Variants in SLC12A1 observed in about 807,000 individuals in gnomAD.
SLC12A1 encodes Na-K-2Cl cotransporter.
SLC12A1 carries 89 observed loss-of-function variants against 130.4 expected under a neutral mutation model. The observed-to-expected ratio is 0.68, with a 90% CI of 0.58 to 0.81. The LOEUF is 0.81. Ranked by LOEUF, SLC12A1 falls within the 40% of genes least tolerant of loss-of-function variation. SLC12A1 has a pLI of 0.00. For missense variants in SLC12A1, 1,310 were observed against 1,336.4 expected (o/e 0.98, Z 0.31); for synonymous variants, 499 against 460.0 (o/e 1.08, Z -1.09).
At chr15:48,209,455 T>A (rs553571705) in intron 2 of SLC12A1, among the ~76,000 whole-genome samples, 4 of 152,322 alleles carry the variant, frequency 2.6e-5, no homozygotes, top group African/African-American at 4.8e-5. Context: ...TCCAGACCAG[T>A]TTGGAATAAA....
chr15:48,272,694 T>A (rs1353751914), intron 19 of SLC12A1, among the ~76,000 whole-genome samples: 1 of 152,236 alleles, frequency 6.6e-6, no homozygotes, highest in African/African-American at 2.4e-5. Context: ...CCCAGAGTGT[T>A]TGGATTACAG....
intron 2 of SLC12A1, among the ~76,000 whole-genome samples, chr15:48,209,164 C>A (rs527469644): frequency 1.3e-5 from 2 of 152,164 alleles, no homozygotes; most frequent in African/African-American, 4.8e-5. Flanking sequence ...TGGGTTCAAG[C>A]GATTCTTCTG....
chr15:48,247,825 C>A lies in SLC12A1; in HGVS notation c.1684+365C>A, dbSNP rs191970530. On this transcript the variant is annotated intron_variant, in intron 13 of 26. Coordinates refer to ENST00000380993, the MANE Select transcript of SLC12A1 (RefSeq NM_000338.3). ...CTGTTAGTGTTTCTGGAAATGTGGT[C>A]CACTGACCATCTATATCGCAATCAC... 3.8e-3 allele frequency among the ~76,000 whole-genome samples: 572 copies of A among 152,280 alleles called. 8 individuals are homozygous for A. In the Middle Eastern group the frequency reaches 0.044, roughly 12 times the overall value.
intron 15 of SLC12A1, among the ~76,000 whole-genome samples, chr15:48,252,810 G>A (rs780195609): frequency 2.0e-5 from 3 of 152,138 alleles, no homozygotes; most frequent in Non-Finnish European, 2.9e-5. Flanking sequence ...ATGCAAGTGC[G>A]GGGCAGCATA....
intron 9 of SLC12A1, among the ~76,000 whole-genome samples, chr15:48,240,072 CATATATATAT>C (rs1431987341): frequency 1.9e-5 from 1 of 52,090 alleles, no homozygotes; most frequent in African/African-American, 8.0e-5. Flanking sequence ...TATATATATC[CATATATATAT>C]ATATATATCC....
intron 4 of SLC12A1, chr15:48,225,073 A>G (rs2041266609): frequency 6.6e-6 from 1 of 152,236 alleles, no homozygotes; most frequent in Non-Finnish European, 1.5e-5. Flanking sequence ...TCAAAAAGCA[A>G]TATCATTGAG....
intron 25 of SLC12A1, among the ~76,000 whole-genome samples, chr15:48,299,642 A>G (rs2042211932): frequency 2.0e-5 from 3 of 152,222 alleles, no homozygotes; most frequent in Non-Finnish European, 4.4e-5. Flanking sequence ...TTAACACAAT[A>G]AGAAATACTT....
At position 48,298,863 on chromosome 15, in the gene SLC12A1, A is replaced by C. The variant is rs140238158; in HGVS notation, c.2961-277A>C. Among the ~76,000 whole-genome samples, 39 of 152,344 alleles carry C rather than the reference A, an allele frequency of 2.6e-4. No individual in the cohort carries two copies. The East Asian group carries it at 3.9e-3, about 15-fold the overall frequency. ...ACTACCTATGTGTATATGTGTTAAT[A>C]TTGTAAGTATGTATGCGTATGTGTG... On this transcript the variant is annotated intron_variant, in intron 24 of 26. Transcript: ENST00000380993.
chr15:48,285,193 G>A lies in SLC12A1; in HGVS notation c.2573G>A (p.Arg858Gln), dbSNP rs140747686. The change falls in exon 21 of 27, where the codon CGA (arginine) becomes CAA (glutamine). Residue 858 changes from arginine to glutamine, a missense_variant. Coordinates refer to ENST00000380993, the MANE Select transcript of SLC12A1 (RefSeq NM_000338.3). ...TGTGAAGAGGAAAGTGGAGGCATCCGAGGCTTGTTTAAAAAAGCTGGCAAG... is the reference window on the plus strand; with the variant it reads ...TGTGAAGAGGAAAGTGGAGGCATCCAAGGCTTGTTTAAAAAAGCTGGCAAG... ...NECEEESGGI[R>Q]GLFKKAGKLN... 3.8e-5 allele frequency: 62 copies of A among 1,613,724 alleles called. No individual in the cohort carries two copies. The highest frequency in any genetic ancestry group is 5.1e-5 in the Non-Finnish European group (60 of 1,179,800).
At chr15:48,289,441 T>TATATA (rs2042096955) in intron 23 of SLC12A1, among the ~76,000 whole-genome samples, 1 of 132,184 alleles carries the variant, frequency 7.6e-6, no homozygotes, top group African/African-American at 2.9e-5. Flanking sequence ...TGTATAACTA[T>TATATA]GTATAACTGT....
intron 20 of SLC12A1, among the ~76,000 whole-genome samples, chr15:48,276,234 G>C (rs1458677251): frequency 2.6e-5 from 4 of 152,116 alleles, no homozygotes; most frequent in Non-Finnish European, 5.9e-5. Context: ...AATCTCCTCT[G>C]GGAAATCCTA....
rs552237136 is a variant in SLC12A1 at position 48,282,360 on chromosome 15, C to T, written c.2486-2746C>T. ...CATACCTTCAAGCAATTGTTGGAAT[C>T]GCTCCCAGTTCACTCAGCCCGCTGA... On this transcript the variant is annotated intron_variant, in intron 20 of 26. Transcript: ENST00000380993. Among the ~76,000 whole-genome samples, 7 of 152,258 alleles carry T rather than the reference C, an allele frequency of 4.6e-5. No homozygotes were observed. The East Asian group carries it at 1.4e-3, about 29-fold the overall frequency.
intron 2 of SLC12A1, among the ~76,000 whole-genome samples, chr15:48,219,912 G>T (rs1298139233): frequency 1.3e-5 from 2 of 151,642 alleles, no homozygotes; most frequent in African/African-American, 4.8e-5. Flanking sequence ...AAATTAGCTG[G>T]GTGTGGTGGT....
At chr15:48,287,945 G>C (rs2042076610) in intron 21 of SLC12A1, 98 bp from the exon 22 acceptor site, 3 of 1,318,800 alleles carry the variant, frequency 2.3e-6, no homozygotes, top group Non-Finnish European at 3.1e-6. Flanking sequence ...ACATGAATCT[G>C]TGACCTTTTC....
intron 25 of SLC12A1, among the ~76,000 whole-genome samples, chr15:48,299,748 C>T (rs964909985): frequency 6.6e-6 from 1 of 152,302 alleles, no homozygotes. Flanking sequence ...CTGGATCCAG[C>T]ACACATTGTA....
At chr15:48,269,787 T>A in intron 19 of SLC12A1, 23 bp downstream of exon 19, 1 of 1,328,682 alleles carries the variant, frequency 7.5e-7, no homozygotes, top group Admixed American at 1.7e-5. Context: ...TTTCAAGACG[T>A]GTTCTTGTTT....
chr15:48,231,599 GGAT>G (rs1377325439), intron 7 of SLC12A1, among the ~76,000 whole-genome samples: 4 of 151,994 alleles, frequency 2.6e-5, no homozygotes, highest in Non-Finnish European at 5.9e-5. Context: ...TTTAAAATGA[GGAT>G]AATAATATTG....
intron 7 of SLC12A1, 74 bp from the exon 8 acceptor site, chr15:48,232,653 C>A: frequency 1.0e-6 from 1 of 954,708 alleles, no homozygotes. Context: ...GCAGTGGACA[C>A]TTCTAACTTT....
chr15:48,250,676 T>TCACACACACACACACACACA lies in SLC12A1; in HGVS notation c.1787-927_1787-908dup, dbSNP rs56705329. ...TACACAAACCCAGAAAATGTCTGCC[T>TCACACACACACACACACACA]CACACACACACACACACACACACAC... On this transcript the variant is annotated intron_variant, in intron 14 of 26. Coordinates refer to ENST00000380993, the MANE Select transcript of SLC12A1 (RefSeq NM_000338.3). Among the ~76,000 whole-genome samples the TCACACACACACACACACACA allele has an allele frequency of 3.7e-3, 542 of 146,004 alleles. 7 individuals carry two copies. Among genetic ancestry groups the TCACACACACACACACACACA allele is most frequent in the African/African-American group, 9.3e-3 (352 of 38,012 alleles).
Sources: gnomAD v4.1 joint callset for allele counts (sites outside exome capture counted in the v4.1 genomes callset) on GRCh38, gnomAD v4.1.1 for gene constraint, MANE v1.5 for transcripts, NCBI Gene and HGNC (gene_info 2026-07-23, HGNC 2026-07-21) for gene names.